Variants in CTNNA3 observed in about 807,000 individuals in gnomAD.
The protein encoded by CTNNA3 is catenin alpha 3, also known as catenin alpha-3.
A neutral mutation model predicts 95.7 loss-of-function variants in CTNNA3; 76 were observed. That is an observed-to-expected ratio of 0.79 (90% CI 0.66 to 0.96). The LOEUF is 0.96. Ranked by LOEUF, CTNNA3 falls within the 40% of genes least tolerant of loss-of-function variation. The pLI is 0.00. For synonymous variants in CTNNA3, 431 were observed against 374.4 expected (o/e 1.15, Z -1.74); for missense variants, 1,191 against 1,089.8 (o/e 1.09, Z -1.31).
intron 9 of CTNNA3, among the ~76,000 whole-genome samples, chr10:66,637,144 A>C (rs749044213): frequency 6.6e-6 from 1 of 152,192 alleles, no homozygotes; most frequent in Non-Finnish European, 1.5e-5. Flanking sequence ...ATTTTTGGAT[A>C]AATCAGAAAT....
chr10:65,948,173 C>T (rs907176173), intron 17 of CTNNA3, among the ~76,000 whole-genome samples: 15 of 149,916 alleles, frequency 1.0e-4, no homozygotes, highest in South Asian at 8.5e-4. Context: ...CCCAGCTACT[C>T]GGGAGACTGA....
chr10:66,891,132 C>T (rs1257593838), intron 7 of CTNNA3, among the ~76,000 whole-genome samples: 1 of 152,112 alleles, frequency 6.6e-6, no homozygotes, highest in Non-Finnish European at 1.5e-5. Context: ...GCTATTTACC[C>T]CACTGTAATC....
chr10:65,924,673 G>T (rs949604125), intron 17 of CTNNA3, among the ~76,000 whole-genome samples: 2 of 152,138 alleles, frequency 1.3e-5, no homozygotes, highest in African/African-American at 2.4e-5. Context: ...GAGCCAACAG[G>T]TGACTGTCTA....
At chr10:66,919,613 A>C (rs1456376726) in intron 7 of CTNNA3, among the ~76,000 whole-genome samples, 1 of 152,194 alleles carries the variant, frequency 6.6e-6, no homozygotes, top group African/African-American at 2.4e-5. Context: ...CTGAGAGACC[A>C]TTTTAATGGT....
At chr10:66,086,621 C>T (rs2080995610) in intron 14 of CTNNA3, among the ~76,000 whole-genome samples, 1 of 151,968 alleles carries the variant, frequency 6.6e-6, no homozygotes, top group Admixed American at 6.6e-5. Context: ...AAAAACTTAC[C>T]ATCCACTATC....
In CTNNA3 at chr10:67,118,157, T is replaced by A. The variant is rs528507056; in HGVS notation, c.1047+62160A>T. On this transcript the variant is annotated intron_variant, in intron 7 of 17. Transcript: ENST00000433211. Reference sequence around the variant, plus strand: ...GGAAAAAAGCATAATCAATAAAGGTTGGAATAAAGAATAATGCAAAAGAAT... The same window carrying A: ...GGAAAAAAGCATAATCAATAAAGGTAGGAATAAAGAATAATGCAAAAGAAT... Among the ~76,000 whole-genome samples the A allele has an allele frequency of 2.0e-5, 3 of 152,118 alleles. No individual in the cohort carries two copies. The South Asian group carries it at 6.2e-4, about 32-fold the overall frequency.
chr10:67,082,358 C>T (rs1857097268), intron 7 of CTNNA3, among the ~76,000 whole-genome samples: 1 of 152,096 alleles, frequency 6.6e-6, no homozygotes, highest in African/African-American at 2.4e-5. Context: ...TTTCATGGCA[C>T]AAATTGCGAT....
intron 2 of CTNNA3, among the ~76,000 whole-genome samples, chr10:67,634,245 G>A (rs186756129): frequency 5.9e-4 from 90 of 152,280 alleles, no homozygotes; most frequent in African/African-American, 1.8e-3. Flanking sequence ...CATAAATGAA[G>A]AAGAAATAAG....
intron 7 of CTNNA3, among the ~76,000 whole-genome samples, chr10:66,852,741 T>C (rs1200807366): frequency 6.6e-6 from 1 of 152,156 alleles, no homozygotes; most frequent in Non-Finnish European, 1.5e-5. Flanking sequence ...CTGTAAAACA[T>C]AAGTTTACAT....
Position 66,012,629 on chromosome 10 carries a change from C to T in CTNNA3, c.2160-23832G>A, listed in dbSNP as rs1419549850. On this transcript the variant is annotated intron_variant, in intron 15 of 17. Transcript: ENST00000433211. ...ATTTCACAATCACAAATGCCTTTGA[C>T]CTATACCATTATAGAAACTAATAGT... Among the ~76,000 whole-genome samples the T allele has an allele frequency of 2.0e-5, 3 of 152,086 alleles. No individual in the cohort carries two copies. The South Asian group carries it at 6.2e-4, about 32-fold the overall frequency.
chr10:67,044,051 T>C (rs1044727477), intron 7 of CTNNA3, among the ~76,000 whole-genome samples: 5 of 151,994 alleles, frequency 3.3e-5, no homozygotes, highest in African/African-American at 1.2e-4. Flanking sequence ...ACCCAGGTAG[T>C]AAACATAGTA....
intron 1 of CTNNA3, among the ~76,000 whole-genome samples, chr10:67,745,304 A>G (rs542342321): frequency 2.6e-4 from 40 of 152,274 alleles, no homozygotes; most frequent in African/African-American, 8.7e-4. Context: ...TTTGGCACAT[A>G]TACACCATGG....
intron 5 of CTNNA3, among the ~76,000 whole-genome samples, chr10:67,433,563 G>A (rs1846193135): frequency 6.6e-6 from 1 of 151,902 alleles, no homozygotes; most frequent in Admixed American, 6.6e-5. Context: ...ATAAAGTAAA[G>A]CACAATAAAA....
chr10:67,412,601 TAG>T (rs1177767462), intron 5 of CTNNA3, among the ~76,000 whole-genome samples: 4 of 151,864 alleles, frequency 2.6e-5, no homozygotes, highest in African/African-American at 9.7e-5. Flanking sequence ...AAAAGGCAGC[TAG>T]AGAGAAAGTG....
At chr10:66,378,041 C>T (rs2092808526) in intron 12 of CTNNA3, among the ~76,000 whole-genome samples, 4 of 151,986 alleles carry the variant, frequency 2.6e-5, no homozygotes, top group Admixed American at 2.6e-4. Context: ...TTTTGTTTAT[C>T]AACTTGCTAG....
At chr10:67,307,193 T>C (rs1179567261) in intron 5 of CTNNA3, among the ~76,000 whole-genome samples, 1 of 152,232 alleles carries the variant, frequency 6.6e-6, no homozygotes, top group African/African-American at 2.4e-5. Flanking sequence ...TCTTTTATTA[T>C]GTTGATTAAA....
intron 12 of CTNNA3, among the ~76,000 whole-genome samples, chr10:66,367,237 C>A (rs2092716491): frequency 1.3e-5 from 2 of 152,096 alleles, no homozygotes; most frequent in Admixed American, 1.3e-4. Flanking sequence ...AACAAGCTGA[C>A]TCTTGGTACC....
chr10:67,353,297 G>C (rs1034193871), intron 5 of CTNNA3, among the ~76,000 whole-genome samples: 1 of 151,850 alleles, frequency 6.6e-6, no homozygotes, highest in African/African-American at 2.4e-5. Flanking sequence ...TCTACTGTGG[G>C]GCATGAACTA....
At chr10:66,384,153 T>C (rs1029173123) in intron 11 of CTNNA3, among the ~76,000 whole-genome samples, 3 of 152,066 alleles carry the variant, frequency 2.0e-5, no homozygotes, top group African/African-American at 4.8e-5. Flanking sequence ...CAGAGTGGCA[T>C]GTTGGATAAA....
Sources: gnomAD v4.1 joint callset for allele counts (sites outside exome capture counted in the v4.1 genomes callset) on GRCh38, gnomAD v4.1.1 for gene constraint, MANE v1.5 for transcripts, NCBI Gene and HGNC (gene_info 2026-07-23, HGNC 2026-07-21) for gene names.